Variants in PCDHA2 observed in about 807,000 individuals in gnomAD.
PCDHA2 encodes protocadherin alpha 2.
PCDHA2 carries 58 observed loss-of-function variants against 66.0 expected under a neutral mutation model. That is an observed-to-expected ratio of 0.88 (90% CI 0.71 to 1.09). The LOEUF is 1.09. Among genes scored for constraint, PCDHA2 ranks in the 50% least tolerant of loss-of-function variants. PCDHA2 has a pLI of 0.00. For synonymous variants in PCDHA2, 634 were observed against 554.0 expected, an observed-to-expected ratio of 1.14 and a Z score of -2.03; for missense variants, 1,267 against 1,242.3, an observed-to-expected ratio of 1.02 and a Z score of -0.30.
In PCDHA2 at chr5:140,993,861, T is replaced by G. The variant is rs143253452; in HGVS notation, c.2536+11298T>G. 3.2e-4 allele frequency among the ~76,000 whole-genome samples: 49 copies of G among 152,356 alleles called. No homozygotes were observed. In the East Asian group the frequency reaches 9.4e-3, roughly 29 times the overall value. On this transcript the variant is annotated intron_variant, in intron 3 of 3. Transcript: ENST00000526136. ...TAGGTATGTAGTAGGCTATGCCATC[T>G]AGGTTTGTGTAAGTACGCTCTATGA... is the stretch of plus-strand genomic sequence containing the variant.
chr5:140,955,078 G>T lies in PCDHA2; in HGVS notation c.2389-23871G>T, dbSNP rs192023775. On this transcript the variant is annotated intron_variant, in intron 1 of 3. Transcript: ENST00000526136. ...TTGTCAGGTTTGTTGAAGATCAGAT[G>T]GTTGTAGGTGTGTGGTGTTATTTCT... Among the ~76,000 whole-genome samples, 36 of 152,228 alleles carry T rather than the reference G, an allele frequency of 2.4e-4. No homozygotes were observed. In the East Asian group the frequency reaches 6.6e-3, roughly 28 times the overall value.
rs1255699815 is a variant in PCDHA2, at chr5:140,984,173, C to T, written c.2536+1610C>T. On this transcript the variant is annotated intron_variant, in intron 3 of 3. Transcript: ENST00000526136. The stretch of plus-strand genomic sequence containing the variant: ...AGGTGAGAACTTCCCAAAGAAGCCA[C>T]GTGAAATCATGACTTTCTACCTTGC... Among the ~76,000 whole-genome samples, 5 of 152,166 alleles carry T rather than the reference C, an allele frequency of 3.3e-5. No individual in the cohort carries two copies. The South Asian group carries it at 6.2e-4, about 19-fold the overall frequency.
chr5:140,895,885 C>T (rs2065231883), intron 1 of PCDHA2, among the ~76,000 whole-genome samples: 1 of 152,174 alleles, frequency 6.6e-6, no homozygotes, highest in South Asian at 2.1e-4. Context: ...GATCTCGGCT[C>T]ACTGCAACCT....
chr5:140,898,843 C>G (rs1449030828), intron 1 of PCDHA2, among the ~76,000 whole-genome samples: 17 of 152,100 alleles, frequency 1.1e-4, no homozygotes, highest in Non-Finnish European at 1.3e-4. Context: ...TCTTCCATTT[C>G]TTTGTATCCT....
Position 140,857,571 on chromosome 5 carries a change from C to G in PCDHA2, c.2388+60219C>G, listed in dbSNP as rs782707848. 16 of 1,596,746 alleles carry G rather than the reference C, an allele frequency of 1.0e-5. 2 individuals are homozygous for G. Among genetic ancestry groups the G allele is most frequent in the East Asian group, 2.2e-5 (1 of 44,820 alleles). ...GAGCGCTCGCTGTCGAGCTACGTGT[C>G]GGTGCACGCGGAGAGCGGCAAGGTG... On this transcript the variant is annotated intron_variant, in intron 1 of 3. Transcript: ENST00000526136.
Position 140,881,340 on chromosome 5 carries a change from CG to C in PCDHA2, c.2388+83991del, listed in dbSNP as rs1453642152. Reference sequence around the variant, plus strand: ...ATTCTATTTAACCAGGACGCCGATTCGGGCTACAATGCGTGGCTTTCGTATG... The same window carrying C: ...ATTCTATTTAACCAGGACGCCGATTCGGCTACAATGCGTGGCTTTCGTATG... On this transcript the variant is annotated intron_variant, in intron 1 of 3. Coordinates refer to ENST00000526136, the MANE Select transcript of PCDHA2 (RefSeq NM_018905.3). The C allele has an allele frequency of 3.0e-6, 3 of 984,934 alleles. No individual in the cohort carries two copies. The African/African-American group carries it at 5.2e-5, about 17-fold the overall frequency. The allele number at this position is 984,934 out of a possible 1,614,324, so 61.0% of individuals were successfully genotyped here. A position where few individuals can be genotyped will look rare whatever the true frequency, so the allele number is the denominator to read the frequency against.
chr5:140,942,926 GAA>G (rs1554215307), intron 1 of PCDHA2, among the ~76,000 whole-genome samples: 2 of 151,984 alleles, frequency 1.3e-5, no homozygotes, highest in East Asian at 3.9e-4. Flanking sequence ...AAAAAAAATT[GAA>G]AAAGAGTTTA....
chr5:140,823,316 G>A lies in PCDHA2; in HGVS notation c.2388+25964G>A. The A allele has an allele frequency of 1.2e-6, 2 of 1,612,306 alleles. No individual in the cohort carries two copies. The highest frequency in any genetic ancestry group is 1.1e-5 in the South Asian group (1 of 91,014). On this transcript the variant is annotated intron_variant, in intron 1 of 3. Coordinates refer to ENST00000526136, the MANE Select transcript of PCDHA2 (RefSeq NM_018905.3). ...TACGTTTCGGTGCACGCGGAGAGCG[G>A]CAAGGTGTACGCGCTGCAGCCGCTG...
intron 1 of PCDHA2, among the ~76,000 whole-genome samples, chr5:140,874,557 G>A (rs782715249): frequency 9.9e-5 from 15 of 152,144 alleles, no homozygotes; most frequent in Non-Finnish European, 1.6e-4. Flanking sequence ...GAGATCTTTC[G>A]CATTTTAGTG....
intron 3 of PCDHA2, among the ~76,000 whole-genome samples, chr5:140,997,872 C>G (rs1053678533): frequency 6.6e-6 from 1 of 152,094 alleles, no homozygotes; most frequent in African/African-American, 2.4e-5. Context: ...TGCATGCTTG[C>G]TAGTATTTAT....
intron 1 of PCDHA2, among the ~76,000 whole-genome samples, chr5:140,937,993 G>A (rs1554211932): frequency 6.6e-6 from 1 of 151,358 alleles, no homozygotes. Flanking sequence ...TGTTAACTTT[G>A]TATCCAATGT....
chr5:140,943,737 C>T (rs551964655), intron 1 of PCDHA2, among the ~76,000 whole-genome samples: 12 of 152,258 alleles, frequency 7.9e-5, no homozygotes, highest in African/African-American at 2.9e-4. Context: ...TGAAAGTCCA[C>T]AGTCTAAAAG....
intron 1 of PCDHA2, chr5:140,834,461 A>C: frequency 6.3e-7 from 1 of 1,589,356 alleles, no homozygotes; most frequent in Non-Finnish European, 8.6e-7. Context: ...CTTGGGAGGC[A>C]GGGAGAGGCC....
Position 140,857,156 on chromosome 5 carries a change from C to T in PCDHA2, c.2388+59804C>T, listed in dbSNP as rs782492965. The T allele has an allele frequency of 4.4e-5, 71 of 1,598,308 alleles. 2 individuals carry two copies. In the South Asian group the frequency reaches 7.7e-4, roughly 17 times the overall value. On this transcript the variant is annotated intron_variant, in intron 1 of 3. Transcript: ENST00000526136. ...TGCTCAAGTGGGCACCGTCATTGCC[C>T]TAATCAGCGTTTCTGACCATGATTC...
intron 1 of PCDHA2, among the ~76,000 whole-genome samples, chr5:140,938,521 T>C (rs2092100005): frequency 6.6e-6 from 1 of 150,974 alleles, no homozygotes; most frequent in African/African-American, 2.4e-5. Context: ...TTTTCTGTTA[T>C]TGAATGGATA....
intron 1 of PCDHA2, chr5:140,822,088 C>A (rs2150113619): frequency 6.2e-7 from 1 of 1,614,256 alleles, no homozygotes; most frequent in Non-Finnish European, 8.5e-7. Flanking sequence ...CAGCATCCAC[C>A]TGGAGGTGAT....
At chr5:140,963,611 A>C (rs955529183) in intron 1 of PCDHA2, among the ~76,000 whole-genome samples, 1 of 152,208 alleles carries the variant, frequency 6.6e-6, no homozygotes, top group Admixed American at 6.5e-5. Context: ...TAATTGGGAA[A>C]GCTTAACTTT....
At position 140,982,579 on chromosome 5, in the gene PCDHA2, C is replaced by G. The variant is rs781915481; in HGVS notation, c.2536+16C>G. 7 of 1,612,084 alleles carry G rather than the reference C, an allele frequency of 4.3e-6. No individual in the cohort carries two copies. In the Admixed American group the frequency reaches 1.2e-4, roughly 27 times the overall value. On this transcript the variant is annotated intron_variant, in intron 3 of 3. Coordinates refer to ENST00000526136, the MANE Select transcript of PCDHA2 (RefSeq NM_018905.3). ...GCAACACCAGGTAAAGAGCTGGGGT[C>G]TCTCCATTCTTTCTTGGTTTCTGGA...
At chr5:140,915,781 A>C (rs2153536351) in intron 1 of PCDHA2, among the ~76,000 whole-genome samples, 1 of 152,104 alleles carries the variant, frequency 6.6e-6, no homozygotes, top group South Asian at 2.1e-4. Flanking sequence ...GGCCTGCTGT[A>C]ACCACTACCT....
Sources: allele counts gnomAD v4.1 joint callset (sites outside exome capture counted in the v4.1 genomes callset), GRCh38; gene constraint gnomAD v4.1.1; transcripts MANE v1.5; gene names NCBI Gene and HGNC (gene_info 2026-07-23, HGNC 2026-07-21).